Variants in SH3PXD2A observed in about 807,000 individuals in gnomAD.
SH3PXD2A encodes SH3 and PX domain-containing protein 2A.
Under a neutral mutation model 115.2 loss-of-function variants are expected in SH3PXD2A, and 32 were observed. The observed-to-expected ratio is 0.28, with a 90% CI of 0.21 to 0.37. The LOEUF (loss-of-function observed/expected upper bound fraction) is 0.37. SH3PXD2A is among the 10% of genes least tolerant of loss of function. The probability of loss-of-function intolerance (pLI) is 1.00; values close to 1 mark genes in which losing one functional copy is unlikely to be tolerated. For synonymous variants in SH3PXD2A, 610 were observed against 629.1 expected, an observed-to-expected ratio of 0.97 and a Z score of 0.45; for missense variants, 1,328 against 1,498.7, an observed-to-expected ratio of 0.89 and a Z score of 1.88.
In SH3PXD2A at chr10:103,603,447, G is replaced by A. The variant is rs1044167049; in HGVS notation, c.1771C>T (p.Arg591Trp). 13 of 1,612,818 alleles carry A rather than the reference G, an allele frequency of 8.1e-6. No homozygotes were observed. The highest frequency in any genetic ancestry group is 1.6e-4 in the Middle Eastern group (1 of 6,078). The change falls in exon 15 of 15, where the codon CGG becomes TGG. Residue 591 changes from arginine (R) to tryptophan (W), a missense_variant. Coordinates refer to ENST00000369774, the MANE Select transcript of SH3PXD2A (RefSeq NM_001394015.1). Reference sequence around the variant, plus strand: ...TGCAGAGAAGAGGCCGGCGAGGGCCGGTGGGGCTGGGCAGGCCGCCTCTCC... The same window carrying A: ...TGCAGAGAAGAGGCCGGCGAGGGCCAGTGGGGCTGGGCAGGCCGCCTCTCC... Reference protein sequence around the residue: ...SGERRPAQPHRPSPASSLQRA... With the variant: ...SGERRPAQPHWPSPASSLQRA...
At chr10:103,692,289 C>A (rs1030381156) in intron 6 of SH3PXD2A, among the ~76,000 whole-genome samples, 3 of 152,150 alleles carry the variant, frequency 2.0e-5, no homozygotes, top group Admixed American at 2.0e-4. Context: ...GCTCTACCCT[C>A]AGCCCACAGC....
chr10:103,769,449 CTTT>C (rs33915699), intron 2 of SH3PXD2A, among the ~76,000 whole-genome samples: 5 of 137,432 alleles, frequency 3.6e-5, no homozygotes, highest in Non-Finnish European at 4.7e-5. Context: ...TCTTCTTCTT[CTTT>C]TTTTTTTTTT....
At chr10:103,815,461 C>A (rs1236041513) in intron 1 of SH3PXD2A, among the ~76,000 whole-genome samples, 1 of 147,174 alleles carries the variant, frequency 6.8e-6, no homozygotes, top group Non-Finnish European at 1.5e-5. Context: ...AATATATATA[C>A]TATATATATT....
chr10:103,817,758 A>G (rs572522320), intron 1 of SH3PXD2A, among the ~76,000 whole-genome samples: 2 of 152,382 alleles, frequency 1.3e-5, no homozygotes, highest in East Asian at 3.9e-4. Flanking sequence ...GTTCTGATAC[A>G]TGCTACAACA....
intron 1 of SH3PXD2A, among the ~76,000 whole-genome samples, chr10:103,851,536 C>T (rs1842896997): frequency 6.6e-6 from 1 of 152,214 alleles, no homozygotes; most frequent in African/African-American, 2.4e-5. Flanking sequence ...TCCACATCCT[C>T]CTTTGGAGCT....
rs1319023959 is a variant in SH3PXD2A at position 103,596,614 on chromosome 10, T to C, written c.*5202A>G. 1 of 133,990 alleles carries C rather than the reference T, an allele frequency of 7.5e-6. No individual in the cohort carries two copies. Among genetic ancestry groups the C allele is most frequent in the Non-Finnish European group, 1.6e-5 (1 of 60,902 alleles). The allele number at this position is 133,990 out of a possible 1,614,324, so 8.3% of individuals were successfully genotyped here. A position where few individuals can be genotyped will look rare whatever the true frequency, so the allele number is the denominator to read the frequency against. On this transcript the variant is annotated 3_prime_UTR_variant, in exon 15 of 15. Transcript: ENST00000369774. ...ATGTTATTTAGTTCAAGTGGGAAGT[T>C]ACCAACACTTGCATACACAGACACA...
At chr10:103,713,386 A>G (rs1197250567) in intron 5 of SH3PXD2A, among the ~76,000 whole-genome samples, 2 of 152,226 alleles carry the variant, frequency 1.3e-5, no homozygotes, top group African/African-American at 4.8e-5. Context: ...GAGATAGCCC[A>G]GAGACCCCTA....
At chr10:103,693,086 G>A in intron 5 of SH3PXD2A, 30 bp from the exon 6 acceptor site, 3 of 1,610,064 alleles carry the variant, frequency 1.9e-6, no homozygotes, top group African/African-American at 1.3e-5. Flanking sequence ...AGATAGACAT[G>A]GTTAGGGCCG....
At position 103,612,840 on chromosome 10, in the gene SH3PXD2A, G is replaced by C; in HGVS notation, c.1258+13C>G. Reference sequence around the variant, plus strand: ...CTTTGCAGTGAGGACCTAGAGGTCAGCGAGGCTCTTACTGATCTGGGCCCG... The same window carrying C: ...CTTTGCAGTGAGGACCTAGAGGTCACCGAGGCTCTTACTGATCTGGGCCCG... On this transcript the variant is annotated intron_variant, in intron 12 of 14. Transcript: ENST00000369774. The C allele has an allele frequency of 6.5e-7, 1 of 1,528,710 alleles. No individual in the cohort carries two copies. Among genetic ancestry groups the C allele is most frequent in the Non-Finnish European group, 8.8e-7 (1 of 1,138,960 alleles). The allele number at this position is 1,528,710 out of a possible 1,614,324, so 94.7% of individuals were successfully genotyped here.
At chr10:103,664,735 C>T (rs1171279014) in intron 7 of SH3PXD2A, among the ~76,000 whole-genome samples, 1 of 149,654 alleles carries the variant, frequency 6.7e-6, no homozygotes, top group Non-Finnish European at 1.5e-5. Context: ...GGCAAAATCT[C>T]GGCTCACTGC....
In SH3PXD2A at chr10:103,746,738, C is replaced by T. The variant is rs1237261950; in HGVS notation, c.230-10930G>A. On this transcript the variant is annotated intron_variant, in intron 3 of 14. Coordinates refer to ENST00000369774, the MANE Select transcript of SH3PXD2A (RefSeq NM_001394015.1). The surrounding 1 kb of genome is among the most constrained non-coding windows in gnomAD (Gnocchi z 4.4). ...AGCTCCTGCCTCTCTCTCCGCCCGC[C>T]CATCTCCTGTCACTCTGCCCACGCC... 6.6e-6 allele frequency: 1 copy of T among 152,366 alleles called. No homozygotes were observed. Among genetic ancestry groups the T allele is most frequent in the African/African-American group, 2.4e-5 (1 of 41,436 alleles). The allele number at this position is 152,366 out of a possible 1,614,324, so 9.4% of individuals were successfully genotyped here.
At chr10:103,831,792 T>C (rs991622459) in intron 1 of SH3PXD2A, among the ~76,000 whole-genome samples, 2 of 152,212 alleles carry the variant, frequency 1.3e-5, no homozygotes, top group African/African-American at 2.4e-5. Context: ...AGAAACCTCA[T>C]GGCAGTTAGT....
At chr10:103,813,247 ATGGTTATTTG>A (rs1322100964) in intron 1 of SH3PXD2A, among the ~76,000 whole-genome samples, 1 of 152,228 alleles carries the variant, frequency 6.6e-6, no homozygotes, top group Non-Finnish European at 1.5e-5. Flanking sequence ...ATTGATAATC[ATGGTTATTTG>A]CATGGAATGA....
At chr10:103,673,764 G>C (rs1322738232) in intron 6 of SH3PXD2A, among the ~76,000 whole-genome samples, 1 of 152,192 alleles carries the variant, frequency 6.6e-6, no homozygotes, top group Non-Finnish European at 1.5e-5. Context: ...AGTGGGCCAT[G>C]AGCCCAGGTG....
At chr10:103,721,146 A>G (rs1156442850) in intron 5 of SH3PXD2A, among the ~76,000 whole-genome samples, 1 of 152,222 alleles carries the variant, frequency 6.6e-6, no homozygotes, top group African/African-American at 2.4e-5. Flanking sequence ...CGGAACGTGC[A>G]CACATTCCAT....
chr10:103,642,254 C>G (rs939601533), intron 8 of SH3PXD2A, among the ~76,000 whole-genome samples: 2 of 151,696 alleles, frequency 1.3e-5, no homozygotes, highest in Admixed American at 6.6e-5. Context: ...AAAGCACACA[C>G]GATGAAAACA....
chr10:103,790,280 G>A (rs966202713), intron 2 of SH3PXD2A, among the ~76,000 whole-genome samples: 15 of 151,710 alleles, frequency 9.9e-5, no homozygotes, highest in Admixed American at 6.6e-4. Flanking sequence ...TCAGCCTCCC[G>A]GGTAGCTGGG....
At chr10:103,717,916 C>G (rs191938245) in intron 5 of SH3PXD2A, among the ~76,000 whole-genome samples, 1 of 151,866 alleles carries the variant, frequency 6.6e-6, no homozygotes, top group East Asian at 2.0e-4. Context: ...AGTAAAGTGG[C>G]CTCAGGACAC....
chr10:103,730,100 A>G (rs889087345), intron 4 of SH3PXD2A, among the ~76,000 whole-genome samples: 4 of 152,190 alleles, frequency 2.6e-5, no homozygotes, highest in African/African-American at 9.7e-5. Context: ...CACAGAGCCC[A>G]CCACTCTGGG....
Sources: gnomAD v4.1 joint callset for allele counts (sites outside exome capture counted in the v4.1 genomes callset) on GRCh38, gnomAD v4.1.1 for gene constraint, Gnocchi (gnomAD v3.1) non-coding constraint, MANE v1.5 for transcripts, NCBI Gene and HGNC (gene_info 2026-07-23, HGNC 2026-07-21) for gene names.